PHTF2: variants seen among roughly 807,000 people sequenced by gnomAD.
PHTF2 encodes protein PHTF2.
PHTF2 carries 60 observed loss-of-function variants against 101.2 expected under a neutral mutation model. That is an observed-to-expected ratio of 0.59 (90% CI 0.48 to 0.73). PHTF2 has a LOEUF of 0.73. PHTF2 is among the 30% of genes least tolerant of loss of function. The pLI is 0.00. For missense variants in PHTF2, 747 were observed against 908.7 expected (o/e 0.82, Z 2.29); for synonymous variants, 311 against 307.3 (o/e 1.01, Z -0.13).
intron 7 of PHTF2, among the ~76,000 whole-genome samples, chr7:77,903,542 G>A (rs1454887830): frequency 2.6e-5 from 4 of 152,188 alleles, no homozygotes; most frequent in Admixed American, 2.6e-4. Flanking sequence ...TATTGTGTCT[G>A]AAATTTACTT....
chr7:77,844,918 T>C (rs551988679), intron 2 of PHTF2, among the ~76,000 whole-genome samples: 1 of 152,370 alleles, frequency 6.6e-6, no homozygotes, highest in African/African-American at 2.4e-5. Flanking sequence ...GTAGCCTTCA[T>C]AGTTATGAAT....
intron 3 of PHTF2, among the ~76,000 whole-genome samples, chr7:77,870,326 T>G (rs1447018100): frequency 6.6e-6 from 1 of 152,032 alleles, no homozygotes; most frequent in South Asian, 2.1e-4. Context: ...TATATGAGTT[T>G]ATTAAGTATT....
chr7:77,920,610 T>C, intron 10 of PHTF2, 145 bp downstream of exon 9: 1 of 642,072 alleles, frequency 1.6e-6, no homozygotes, highest in South Asian at 1.9e-5. Flanking sequence ...AAACTGTAAA[T>C]GAGATAAAGT....
At chr7:77,873,384 T>C (rs1798677484) in intron 3 of PHTF2, among the ~76,000 whole-genome samples, 2 of 152,182 alleles carry the variant, frequency 1.3e-5, no homozygotes, top group Non-Finnish European at 2.9e-5. Flanking sequence ...CAGATTTCTA[T>C]TTATATAAAT....
chr7:77,884,610 T>C (rs780629546), intron 3 of PHTF2, among the ~76,000 whole-genome samples: 2 of 152,142 alleles, frequency 1.3e-5, no homozygotes, highest in Non-Finnish European at 2.9e-5. Context: ...AAATATGGAA[T>C]GTTGGGCTGG....
chr7:77,875,430 G>A (rs1023357243), intron 3 of PHTF2, among the ~76,000 whole-genome samples: 2 of 151,954 alleles, frequency 1.3e-5, no homozygotes, highest in Non-Finnish European at 2.9e-5. Context: ...TCTATTTCCA[G>A]GCTTGTTATA....
Position 77,824,810 on chromosome 7 carries a change from ATTGT to A in PHTF2, c.-35-15407_-35-15404del, listed in dbSNP as rs566983540. On this transcript the variant is annotated intron_variant, in intron 1 of 19. Coordinates refer to ENST00000416283, the Ensembl canonical transcript of PHTF2. ...CATTTTGGGCTGCCAAGGTGGGAAGATTGTTTGAGACCAGGAGTTCAAGGCCAGC... is the reference window on the plus strand; with the variant it reads ...CATTTTGGGCTGCCAAGGTGGGAAGATTGAGACCAGGAGTTCAAGGCCAGC... Among the ~76,000 whole-genome samples, 5 of 150,630 alleles carry A rather than the reference ATTGT, an allele frequency of 3.3e-5. No homozygotes were observed. The South Asian group carries it at 6.6e-4, about 20-fold the overall frequency.
chr7:77,808,582 A>G (rs1189245151), intron 1 of PHTF2, among the ~76,000 whole-genome samples: 2 of 152,204 alleles, frequency 1.3e-5, no homozygotes, highest in Admixed American at 6.5e-5. Context: ...AGTTTTTCCT[A>G]CATTGCATAT....
chr7:77,892,159 A>G (rs754473924), intron 3 of PHTF2, among the ~76,000 whole-genome samples: 3 of 152,144 alleles, frequency 2.0e-5, no homozygotes, highest in Non-Finnish European at 2.9e-5. Flanking sequence ...GCGTGGTGGC[A>G]CGCGCCTGTA....
At chr7:77,927,177 A>AAAAAAAAAAATATATATAT (rs1554388762) in intron 11 of PHTF2, among the ~76,000 whole-genome samples, 3 of 78,152 alleles carry the variant, frequency 3.8e-5, no homozygotes, top group Admixed American at 1.8e-4. Flanking sequence ...AAAAAAAAAA[A>AAAAAAAAAAATATATATAT]ATATATATAT....
chr7:77,820,819 CT>C (rs1209339391), intron 1 of PHTF2, among the ~76,000 whole-genome samples: 1 of 152,100 alleles, frequency 6.6e-6, no homozygotes, highest in East Asian at 1.9e-4. Context: ...TTGTTTTCTT[CT>C]TGTTTTCTAT....
chr7:77,923,966 A>G, intron 11 of PHTF2: 2 of 937,236 alleles, frequency 2.1e-6, no homozygotes, highest in Non-Finnish European at 2.5e-6. Context: ...GCTGATAGTA[A>G]GCATTGATTT....
chr7:77,812,857 G>A (rs1367836165), intron 1 of PHTF2, among the ~76,000 whole-genome samples: 1 of 152,100 alleles, frequency 6.6e-6, no homozygotes, highest in Non-Finnish European at 1.5e-5. Flanking sequence ...CCAAAGTGCT[G>A]GGATTACAGG....
intron 1 of PHTF2, among the ~76,000 whole-genome samples, chr7:77,814,076 A>G (rs1422278805): frequency 6.6e-6 from 1 of 152,214 alleles, no homozygotes; most frequent in Non-Finnish European, 1.5e-5. Context: ...AGGAAACACA[A>G]TTCAGTCCTC....
chr7:77,867,986 T>C (rs1229055075), intron 3 of PHTF2, among the ~76,000 whole-genome samples: 2 of 152,214 alleles, frequency 1.3e-5, no homozygotes, highest in East Asian at 1.9e-4. Context: ...TATAAAGTAG[T>C]TAATACAGAT....
chr7:77,891,252 A>G (rs748416483), intron 3 of PHTF2, among the ~76,000 whole-genome samples: 1 of 152,156 alleles, frequency 6.6e-6, no homozygotes, highest in Non-Finnish European at 1.5e-5. Flanking sequence ...ATAAATTTTT[A>G]TTTGCATTTA....
exon 9 of PHTF2, chr7:77,910,306 G>A: frequency 6.2e-7 from 1 of 1,613,598 alleles, no homozygotes; most frequent in Non-Finnish European, 8.5e-7. Flanking sequence ...TAGTACCACA[G>A]ATAACACACA....
At chr7:77,914,814 T>A (rs1802749353) in intron 9 of PHTF2, among the ~76,000 whole-genome samples, 1 of 152,180 alleles carries the variant, frequency 6.6e-6, no homozygotes, top group Non-Finnish European at 1.5e-5. Flanking sequence ...TTTCCTTGGT[T>A]TGTGCTAGAG....
At chr7:77,799,148 C>T (rs1342767565) in intron 1 of PHTF2, among the ~76,000 whole-genome samples, 177 bp downstream of exon 1, 4 of 152,202 alleles carry the variant, frequency 2.6e-5, no homozygotes, top group Non-Finnish European at 5.9e-5. Context: ...GTCTCCCGTA[C>T]CTGAGGGCCG....
Sources: gnomAD v4.1 joint callset for allele counts (sites outside exome capture counted in the v4.1 genomes callset) on GRCh38, gnomAD v4.1.1 for gene constraint, MANE v1.5 for transcripts, NCBI Gene and HGNC (gene_info 2026-07-23, HGNC 2026-07-21) for gene names.